Variants in TGFBR2 observed in about 807,000 individuals in gnomAD.
TGFBR2 encodes transforming growth factor beta receptor 2, also known as TGF-beta receptor type-2.
Under a neutral mutation model 49.0 loss-of-function variants are expected in TGFBR2, and 18 were observed. The ratio of observed to expected loss-of-function variants is 0.37; its 90% CI spans 0.25 to 0.54. TGFBR2 has a LOEUF of 0.54. Among genes scored for constraint, TGFBR2 ranks in the 20% least tolerant of loss-of-function variants. The pLI is 0.85. For synonymous variants in TGFBR2, 282 were observed against 275.9 expected (o/e 1.02, Z -0.22); for missense variants, 525 against 722.6 (o/e 0.73, Z 3.13).
chr3:30,674,590 G>A (rs576418008), intron 5 of TGFBR2, among the ~76,000 whole-genome samples: 114 of 152,228 alleles, frequency 7.5e-4, no homozygotes, highest in Non-Finnish European at 1.4e-3. Flanking sequence ...GTAATATTCA[G>A]ATAAGCATCT....
At chr3:30,680,169 T>C (rs993762578) in intron 5 of TGFBR2, among the ~76,000 whole-genome samples, 1 of 129,062 alleles carries the variant, frequency 7.7e-6, no homozygotes, top group African/African-American at 3.0e-5. Flanking sequence ...CTATGATCAG[T>C]ATGGATACGA....
chr3:30,623,595 G>A (rs962474346), intron 1 of TGFBR2, among the ~76,000 whole-genome samples: 8 of 152,040 alleles, frequency 5.3e-5, no homozygotes, highest in East Asian at 3.9e-4. Flanking sequence ...TTAATACACC[G>A]TGTGGTCTGC....
intron 3 of TGFBR2, chr3:30,661,431 A>C (rs925519919): frequency 5.5e-5 from 21 of 378,506 alleles, no homozygotes; most frequent in Non-Finnish European, 1.0e-4. Context: ...CTAAGGAGGA[A>C]CATAAAGGGT....
chr3:30,687,285 T>A (rs963934692), intron 5 of TGFBR2, among the ~76,000 whole-genome samples: 1 of 152,230 alleles, frequency 6.6e-6, no homozygotes, highest in Non-Finnish European at 1.5e-5. Flanking sequence ...GTTGATGTTG[T>A]TAATCTGTCC....
In TGFBR2 at chr3:30,677,484, G is replaced by A. The variant is rs564964318; in HGVS notation, c.1396+3238G>A. Among the ~76,000 whole-genome samples the A allele has an allele frequency of 8.5e-5, 13 of 152,244 alleles. No individual in the cohort carries two copies. In the South Asian group the frequency reaches 1.9e-3, roughly 22 times the overall value. On this transcript the variant is annotated intron_variant, in intron 5 of 6. Coordinates refer to ENST00000295754, the MANE Select transcript of TGFBR2 (RefSeq NM_003242.6). ...ACCAAGGTTATTTATCCATCCTCACGTTCGTCCTGACACAAAGCCGTTCAC... is the reference window on the plus strand; with the variant it reads ...ACCAAGGTTATTTATCCATCCTCACATTCGTCCTGACACAAAGCCGTTCAC...
rs112721592 is a variant in TGFBR2 at position 30,663,310 on chromosome 3, G to A, written c.455-8328G>A. On this transcript the variant is annotated intron_variant, in intron 3 of 6. Transcript: ENST00000295754. The stretch of plus-strand genomic sequence containing the variant: ...GTTAATGGGTCTATTGTTTAAATTC[G>A]GAATCCAGTCAAGGACAACACATTA... Among the ~76,000 whole-genome samples the A allele has an allele frequency of 7.8e-3, 1,187 of 152,114 alleles. 19 individuals are homozygous for A. The highest frequency in any genetic ancestry group is 0.028 in the African/African-American group (1,154 of 41,454).
At chr3:30,681,171 A>G (rs1699532928) in intron 5 of TGFBR2, among the ~76,000 whole-genome samples, 1 of 151,658 alleles carries the variant, frequency 6.6e-6, no homozygotes, top group South Asian at 2.1e-4. Context: ...AAAAAAAAAA[A>G]AAAAAAAAAA....
chr3:30,619,673 A>C (rs576176452), intron 1 of TGFBR2, among the ~76,000 whole-genome samples: 1 of 151,876 alleles, frequency 6.6e-6, no homozygotes, highest in East Asian at 1.9e-4. Flanking sequence ...ACCATTCTCC[A>C]CCACCTCCCC....
intron 1 of TGFBR2, among the ~76,000 whole-genome samples, chr3:30,624,933 T>G (rs962140846): frequency 1.3e-4 from 20 of 152,182 alleles, no homozygotes; most frequent in African/African-American, 4.6e-4. Flanking sequence ...CCAGCAAAGA[T>G]GAGCTTCATT....
intron 5 of TGFBR2, among the ~76,000 whole-genome samples, chr3:30,674,519 A>C: frequency 6.6e-6 from 1 of 152,292 alleles, no homozygotes; most frequent in Non-Finnish European, 1.5e-5. Flanking sequence ...CAGTTATTTA[A>C]ATATCTGGCA....
chr3:30,627,095 G>T (rs1293252528), intron 1 of TGFBR2, among the ~76,000 whole-genome samples: 3 of 152,098 alleles, frequency 2.0e-5, no homozygotes, highest in Admixed American at 1.3e-4. Flanking sequence ...AAAATCTAAA[G>T]ATGTGTGGGG....
intron 3 of TGFBR2, among the ~76,000 whole-genome samples, chr3:30,663,511 G>A (rs1365971882): frequency 6.6e-6 from 1 of 152,132 alleles, no homozygotes; most frequent in Admixed American, 6.6e-5. Flanking sequence ...ATTGTAGGAA[G>A]TTTTTTTAAA....
In TGFBR2 at chr3:30,674,092, GT is replaced by G. The variant is rs766862694; in HGVS notation, c.1255-8del. Reference sequence around the variant, plus strand: ...AATTAAATGATGGGCCTCACTGTCTGTTTTTGCTATAGGTGGGAACTGCAAG... The same window carrying G: ...AATTAAATGATGGGCCTCACTGTCTGTTTTGCTATAGGTGGGAACTGCAAG... On this transcript the variant is annotated splice_polypyrimidine_tract_variant and intron_variant, in intron 4 of 6. Transcript: ENST00000295754. 1 of 1,614,168 alleles carries G rather than the reference GT, an allele frequency of 6.2e-7. No individual in the cohort carries two copies. Among genetic ancestry groups the G allele is most frequent in the Non-Finnish European group, 8.5e-7 (1 of 1,180,012 alleles).
intron 2 of TGFBR2, among the ~76,000 whole-genome samples, chr3:30,647,779 C>T (rs763699724): frequency 2.9e-4 from 44 of 152,054 alleles, no homozygotes; most frequent in Non-Finnish European, 5.0e-4. Context: ...CGGGTTCGTG[C>T]GATTCTCCTG....
intron 3 of TGFBR2, chr3:30,661,653 A>C: frequency 2.0e-6 from 1 of 491,674 alleles, no homozygotes; most frequent in Non-Finnish European, 4.0e-6. Flanking sequence ...AGTTAAGGTC[A>C]TTTTGAAATC....
chr3:30,631,174 G>A (rs1698430047), intron 1 of TGFBR2, among the ~76,000 whole-genome samples: 1 of 151,820 alleles, frequency 6.6e-6, no homozygotes, highest in African/African-American at 2.4e-5. Flanking sequence ...CTGAGTAGCT[G>A]GGACTACAGG....
chr3:30,685,700 T>G (rs1019701406), intron 5 of TGFBR2, among the ~76,000 whole-genome samples: 1 of 152,134 alleles, frequency 6.6e-6, no homozygotes. Flanking sequence ...AAGGCGGTCA[T>G]GTCCACGAAT....
chr3:30,637,840 T>A (rs527272089), intron 1 of TGFBR2, among the ~76,000 whole-genome samples: 74 of 152,298 alleles, frequency 4.9e-4, no homozygotes, highest in African/African-American at 1.8e-3. Context: ...TCAATGAATA[T>A]CATAAATTTT....
chr3:30,607,576 A>G (rs1443982690), intron 1 of TGFBR2, among the ~76,000 whole-genome samples: 2 of 152,024 alleles, frequency 1.3e-5, no homozygotes, highest in Non-Finnish European at 2.9e-5. Context: ...GCATGGATGG[A>G]TAGGGAGTGG....
Sources: allele counts gnomAD v4.1 joint callset (sites outside exome capture counted in the v4.1 genomes callset), GRCh38; gene constraint gnomAD v4.1.1; transcripts MANE v1.5; gene names NCBI Gene and HGNC (gene_info 2026-07-23, HGNC 2026-07-21).